Variants in BCO1 observed in about 807,000 individuals in gnomAD.
The protein encoded by BCO1 is beta,beta-carotene 15,15'-dioxygenase.
Under a neutral mutation model 56.3 loss-of-function variants are expected in BCO1, and 54 were observed. The ratio of observed to expected loss-of-function variants is 0.96; its 90% confidence interval spans 0.77 to 1.20. BCO1 has a LOEUF of 1.20. Ranked by LOEUF, BCO1 falls within the 50% of genes most tolerant of loss-of-function variation. The pLI is 0.00. For missense variants in BCO1, 801 were observed against 690.9 expected (o/e 1.16, Z -1.79); for synonymous variants, 318 against 266.1 (o/e 1.20, Z -1.90).
At chr16:81,243,926 G>C (rs1315579843) in intron 1 of BCO1, among the ~76,000 whole-genome samples, 2 of 152,252 alleles carry the variant, frequency 1.3e-5, no homozygotes, top group Non-Finnish European at 2.9e-5. Flanking sequence ...TGGCTGCTGA[G>C]GCCATTGGAG....
chr16:81,246,726 C>G (rs1028916330), intron 2 of BCO1, among the ~76,000 whole-genome samples: 8 of 151,982 alleles, frequency 5.3e-5, no homozygotes, highest in Non-Finnish European at 1.2e-4. Context: ...TGGCACACAC[C>G]TGTAATCCCA....
chr16:81,284,232 TTATATA>T (rs1567465620), intron 8 of BCO1, among the ~76,000 whole-genome samples: 9 of 121,678 alleles, frequency 7.4e-5, no homozygotes, highest in African/African-American at 2.7e-4. Flanking sequence ...ATATATATTT[TTATATA>T]TTTATATATT....
In BCO1 at chr16:81,264,726, A is replaced by T. The variant is rs1434972715; in HGVS notation, c.558A>T (p.Thr186=). 5 of 1,614,124 alleles carry T rather than the reference A, an allele frequency of 3.1e-6. No individual in the cohort carries two copies. The highest frequency in any genetic ancestry group is 4.2e-6 in the Non-Finnish European group (5 of 1,180,048). ...CTGGAAATGTTCTAAACATGGGCAC[A>T]TCCATTGTGGAAAAGGGGAAGACAA... The part of the protein sequence containing the change: ...DEAGNVLNMG[T]SIVEKGKTKY... Residue 186 remains threonine, a synonymous_variant, in exon 5 of 11, where the codon ACA becomes ACT. Transcript: ENST00000258168.
rs56069135 is a variant in BCO1, at chr16:81,251,874, A to ATGTGTGTGTGTGTGTGTGTGTGTG, written c.193+6288_193+6289insGTGTGTGTGTGTGTGTGTGTGTGT. On this transcript the variant is annotated intron_variant, in intron 2 of 10. Transcript: ENST00000258168. ...CACGCACACACACACACACACATATATGTGTGTGTGTGTGTGTATATATAT... is the reference window on the plus strand; with the variant it reads ...CACGCACACACACACACACACATATATGTGTGTGTGTGTGTGTGTGTGTGTGTGTGTGTGTGTGTGTATATATAT... Among the ~76,000 whole-genome samples, 277 of 146,730 alleles carry ATGTGTGTGTGTGTGTGTGTGTGTG rather than the reference A, an allele frequency of 1.9e-3. 1 individual carries two copies. Among genetic ancestry groups the ATGTGTGTGTGTGTGTGTGTGTGTG allele is most frequent in the African/African-American group, 6.6e-3 (256 of 38,888 alleles).
intron 2 of BCO1, among the ~76,000 whole-genome samples, chr16:81,246,441 C>T (rs1905421670): frequency 6.6e-6 from 1 of 152,066 alleles, no homozygotes; most frequent in African/African-American, 2.4e-5. Flanking sequence ...AAAAGGAGGC[C>T]AAGGTTCTTT....
chr16:81,265,129 C>T (rs887087428), intron 5 of BCO1, among the ~76,000 whole-genome samples: 3 of 151,890 alleles, frequency 2.0e-5, no homozygotes, highest in Non-Finnish European at 4.4e-5. Context: ...ATCTACTCAC[C>T]GTCCATCTAT....
chr16:81,275,267 T>A (rs1907483508), intron 7 of BCO1, among the ~76,000 whole-genome samples: 1 of 152,218 alleles, frequency 6.6e-6, no homozygotes. Flanking sequence ...CTGACACTCC[T>A]GCTCCCCCTG....
At chr16:81,252,479 C>T (rs1000052727) in intron 2 of BCO1, among the ~76,000 whole-genome samples, 5 of 152,154 alleles carry the variant, frequency 3.3e-5, no homozygotes, top group African/African-American at 1.2e-4. Context: ...TGGTCTTGAA[C>T]TCCTGACCTC....
At chr16:81,248,098 T>C (rs1192248697) in intron 2 of BCO1, among the ~76,000 whole-genome samples, 1 of 152,078 alleles carries the variant, frequency 6.6e-6, no homozygotes, top group Admixed American at 6.6e-5. Flanking sequence ...TAAGCATTTG[T>C]TCTTAATTTC....
intron 2 of BCO1, 118 bp downstream of exon 2, chr16:81,245,721 T>G (rs1349492070): frequency 7.5e-7 from 1 of 1,330,096 alleles, no homozygotes; most frequent in African/African-American, 1.4e-5. Context: ...AAATCGGGTC[T>G]CACTGAACTG....
chr16:81,257,596 T>A (rs1423182369), intron 2 of BCO1, among the ~76,000 whole-genome samples: 1 of 148,928 alleles, frequency 6.7e-6, no homozygotes, highest in Non-Finnish European at 1.5e-5. Flanking sequence ...CAAAAGAAAC[T>A]TCGCAGGCTA....
chr16:81,283,957 G>A (rs543246713), intron 8 of BCO1, among the ~76,000 whole-genome samples: 85 of 151,986 alleles, frequency 5.6e-4, no homozygotes, highest in Non-Finnish European at 9.4e-4. Flanking sequence ...AAGCTGAGAC[G>A]GGCGGATCAT....
chr16:81,253,067 C>T (rs1054475975), intron 2 of BCO1, among the ~76,000 whole-genome samples: 6 of 152,112 alleles, frequency 3.9e-5, no homozygotes, highest in African/African-American at 1.4e-4. Context: ...CGAGATCGCA[C>T]TACTGCACTC....
chr16:81,240,677 C>G (rs1356749523), intron 1 of BCO1, among the ~76,000 whole-genome samples: 1 of 151,674 alleles, frequency 6.6e-6, no homozygotes, highest in East Asian at 1.9e-4. Context: ...TGCACTCTGG[C>G]CTTGGCAAGA....
intron 2 of BCO1, among the ~76,000 whole-genome samples, chr16:81,255,070 A>G (rs1345950502): frequency 6.6e-6 from 1 of 152,192 alleles, no homozygotes; most frequent in Admixed American, 6.5e-5. Flanking sequence ...GGCATGAGCC[A>G]TTGCACCTGG....
intron 7 of BCO1, among the ~76,000 whole-genome samples, chr16:81,276,106 C>G (rs1330357160): frequency 6.6e-6 from 1 of 152,238 alleles, no homozygotes; most frequent in Non-Finnish European, 1.5e-5. Context: ...GTTTCTGTCT[C>G]CAAATGCACA....
chr16:81,252,476 G>A (rs190347944), intron 2 of BCO1, among the ~76,000 whole-genome samples: 2 of 152,220 alleles, frequency 1.3e-5, no homozygotes, highest in African/African-American at 4.8e-5. Context: ...GGCTGGTCTT[G>A]AACTCCTGAC....
At chr16:81,272,113 C>CTTT (rs35402352) in intron 7 of BCO1, among the ~76,000 whole-genome samples, 3 of 111,312 alleles carry the variant, frequency 2.7e-5, no homozygotes, top group African/African-American at 1.0e-4. Context: ...TCTTTTCTTT[C>CTTT]TTTTTTTTTT....
At chr16:81,258,544 A>G (rs1906288213) in intron 2 of BCO1, among the ~76,000 whole-genome samples, 1 of 152,128 alleles carries the variant, frequency 6.6e-6, no homozygotes, top group African/African-American at 2.4e-5. Context: ...CACCCCACAT[A>G]TGCAGCCTTC....
Sources: gnomAD v4.1 joint callset for allele counts (sites outside exome capture counted in the v4.1 genomes callset) on GRCh38, gnomAD v4.1.1 for gene constraint, MANE v1.5 for transcripts, NCBI Gene and HGNC (gene_info 2026-07-23, HGNC 2026-07-21) for gene names.